Variants in TSHZ3 observed in about 807,000 individuals in gnomAD.
TSHZ3 encodes the protein teashirt zinc finger homeobox 3, also known as teashirt homolog 3.
A neutral mutation model predicts 64.5 loss-of-function variants in TSHZ3; 10 were observed. The ratio of observed to expected loss-of-function variants is 0.16; its 90% confidence interval spans 0.10 to 0.26. The LOEUF is 0.26. Ranked by LOEUF, TSHZ3 falls within the 10% of genes least tolerant of loss-of-function variation. TSHZ3 has a pLI of 1.00. For synonymous variants in TSHZ3, 608 were observed against 593.1 expected (o/e 1.03, Z -0.36); for missense variants, 1,242 against 1,421.7 (o/e 0.87, Z 2.03).
intron 5 of TSHZ3, among the ~76,000 whole-genome samples, chr19:31,199,039 A>C (rs1011310054): frequency 6.6e-6 from 1 of 152,236 alleles, no homozygotes; most frequent in African/African-American, 2.4e-5. Context: ...TACAATAATC[A>C]AGATGATGTG....
intron 1 of TSHZ3, among the ~76,000 whole-genome samples, chr19:31,338,556 C>T (rs190746457): frequency 9.3e-4 from 139 of 149,506 alleles, no homozygotes; most frequent in African/African-American, 3.2e-3. Flanking sequence ...TTTTCAGATA[C>T]GGTGTTGGTT....
At chr19:31,213,356 C>CAAAAA (rs35192337) in intron 4 of TSHZ3, among the ~76,000 whole-genome samples, 562 of 23,300 alleles carry the variant, frequency 0.024, 199 homozygotes, top group African/African-American at 0.037. Context: ...GACTCTGTCT[C>CAAAAA]AAAAAAAAAA....
At chr19:31,204,768 A>G (rs1408525739) in intron 5 of TSHZ3, 2 of 152,150 alleles carry the variant, frequency 1.3e-5, no homozygotes, top group Non-Finnish European at 2.9e-5. Context: ...TGTTCCACAC[A>G]TTGCCTGGTG....
chr19:31,318,386 T>G (rs971770594), intron 1 of TSHZ3, among the ~76,000 whole-genome samples: 2 of 152,214 alleles, frequency 1.3e-5, no homozygotes, highest in Admixed American at 6.5e-5. Flanking sequence ...TTTCATTTTA[T>G]TTTTTAATTA....
At chr19:31,349,997 G>A (rs2021662922), upstream of TSHZ3, among the ~76,000 whole-genome samples, 2 of 147,340 alleles carry the variant, frequency 1.4e-5, no homozygotes, top group East Asian at 2.1e-4. Context: ...CACACGCGGG[G>A]GCGCGGCGCC....
chr19:31,176,008 C>A (rs1012267964), intron 5 of TSHZ3, among the ~76,000 whole-genome samples: 1 of 152,194 alleles, frequency 6.6e-6, no homozygotes, highest in African/African-American at 2.4e-5. Context: ...AGGAAGGGAA[C>A]CCATGAGGGG....
intron 5 of TSHZ3, among the ~76,000 whole-genome samples, chr19:31,183,313 C>T (rs1305869275): frequency 2.0e-5 from 3 of 151,956 alleles, no homozygotes; most frequent in African/African-American, 7.3e-5. Context: ...TGATTCAACA[C>T]ATGCCTTTTC....
rs201871157 is a variant in TSHZ3, at chr19:31,336,720, G to T, written c.40+12460C>A. Among the ~76,000 whole-genome samples, 16 of 152,192 alleles carry T rather than the reference G, an allele frequency of 1.1e-4. No homozygotes were observed. The East Asian group carries it at 3.1e-3, about 29-fold the overall frequency. On this transcript the variant is annotated intron_variant, in intron 1 of 1. Transcript: ENST00000240587. ...TGGGGAGTGGAGGGAACAGATGCGG[G>T]GCACCAGTGGATACCTGAAGACCCC...
In TSHZ3 at chr19:31,191,937, G is replaced by A. The variant is rs547040257; in HGVS notation, n.809+13019C>T. ...TATCTTCTTTATAAGATATCTGACTGCTTACACTGAAATGATAACAATTTA... is the reference window on the plus strand; with the variant it reads ...TATCTTCTTTATAAGATATCTGACTACTTACACTGAAATGATAACAATTTA... On this transcript the variant is annotated intron_variant and non_coding_transcript_variant, in intron 5 of 6. Coordinates refer to the TSHZ3 transcript ENST00000651361. Among the ~76,000 whole-genome samples the A allele has an allele frequency of 4.6e-4, 70 of 152,166 alleles. 2 individuals carry two copies. In the South Asian group the frequency reaches 0.013, roughly 28 times the overall value.
chr19:31,152,210 G>T (rs1229085527), intron 6 of TSHZ3, among the ~76,000 whole-genome samples: 5 of 151,300 alleles, frequency 3.3e-5, no homozygotes, highest in Non-Finnish European at 7.4e-5. Context: ...GGGATGGATG[G>T]TTCCATATTA....
chr19:31,328,947 TCAC>T (rs1322440079), intron 1 of TSHZ3, among the ~76,000 whole-genome samples: 1 of 152,156 alleles, frequency 6.6e-6, no homozygotes, highest in Non-Finnish European at 1.5e-5. Context: ...CAATCACTGT[TCAC>T]CAATCTCACT....
chr19:31,173,867 C>T (rs930681766), intron 5 of TSHZ3, among the ~76,000 whole-genome samples: 3 of 152,222 alleles, frequency 2.0e-5, no homozygotes, highest in East Asian at 3.9e-4. Context: ...GTTAGGAGCT[C>T]GAGACCAGCT....
At chr19:31,314,699 A>C (rs1916556072) in intron 1 of TSHZ3, among the ~76,000 whole-genome samples, 1 of 152,250 alleles carries the variant, frequency 6.6e-6, no homozygotes, top group Admixed American at 6.5e-5. Context: ...TTAACTTTGT[A>C]GCCAGAATGG....
intron 1 of TSHZ3, among the ~76,000 whole-genome samples, chr19:31,302,644 A>C (rs1976773972): frequency 6.6e-6 from 1 of 152,206 alleles, no homozygotes; most frequent in African/African-American, 2.4e-5. Flanking sequence ...AATACTTAAA[A>C]ACTACACACA....
intron 1 of TSHZ3, among the ~76,000 whole-genome samples, chr19:31,324,507 C>T (rs1186209230): frequency 6.6e-6 from 1 of 152,244 alleles, no homozygotes; most frequent in East Asian, 1.9e-4. Flanking sequence ...GACAGCTTTC[C>T]TTCAAGCACC....
At chr19:31,264,098 T>C (rs1219917884) in intron 1 of TSHZ3, among the ~76,000 whole-genome samples, 1 of 152,178 alleles carries the variant, frequency 6.6e-6, no homozygotes, top group Non-Finnish European at 1.5e-5. Flanking sequence ...GGTTTAAATG[T>C]AGCAGGAGGC....
intron 6 of TSHZ3, among the ~76,000 whole-genome samples, chr19:31,156,000 T>C (rs902034714): frequency 6.6e-6 from 1 of 152,242 alleles, no homozygotes; most frequent in Non-Finnish European, 1.5e-5. Context: ...GCTTTTGTTA[T>C]TGTTGTTAAC....
At chr19:31,344,507 G>T (rs1203818158) in intron 1 of TSHZ3, among the ~76,000 whole-genome samples, 1 of 152,234 alleles carries the variant, frequency 6.6e-6, no homozygotes, top group Non-Finnish European at 1.5e-5. Flanking sequence ...GGATAACTGT[G>T]AACTGCTGCC....
chr19:31,306,981 C>T (rs898081329), intron 1 of TSHZ3, among the ~76,000 whole-genome samples: 1 of 152,006 alleles, frequency 6.6e-6, no homozygotes, highest in Non-Finnish European at 1.5e-5. Context: ...GTCCTCCTTT[C>T]TAAATATTTC....
Sources: gnomAD v4.1 joint callset for allele counts (sites outside exome capture counted in the v4.1 genomes callset) on GRCh38, gnomAD v4.1.1 for gene constraint, MANE v1.5 for transcripts, NCBI Gene and HGNC (gene_info 2026-07-23, HGNC 2026-07-21) for gene names.